TRHDE: variants seen among roughly 807,000 people sequenced by gnomAD.
The protein encoded by TRHDE is thyrotropin-releasing hormone-degrading ectoenzyme.
TRHDE carries 72 observed loss-of-function variants against 125.7 expected under a neutral mutation model. The ratio of observed to expected loss-of-function variants is 0.57; its 90% CI spans 0.47 to 0.70. The LOEUF is 0.70. Ranked by LOEUF, TRHDE falls within the 30% of genes least tolerant of loss-of-function variation. TRHDE has a pLI of 0.00. For synonymous variants in TRHDE, 509 were observed against 509.1 expected (o/e 1.00, Z 0.00); for missense variants, 1,110 against 1,327.1 (o/e 0.84, Z 2.54).
At chr12:72,517,078 TC>T (rs1485548450) in intron 6 of TRHDE, among the ~76,000 whole-genome samples, 2 of 151,916 alleles carry the variant, frequency 1.3e-5, no homozygotes, top group African/African-American at 2.4e-5. Flanking sequence ...GCATCAATGT[TC>T]ATCAAGGATA....
intron 15 of TRHDE, among the ~76,000 whole-genome samples, chr12:72,629,671 A>AAACAGTGAG (rs1360913199): frequency 2.0e-5 from 3 of 151,718 alleles, no homozygotes; most frequent in African/African-American, 7.3e-5. Flanking sequence ...ATTCCAAAAT[A>AAACAGTGAG]TTTGTACTAA....
rs545284289 is a variant in TRHDE, at chr12:72,658,134, T to A, written c.3066+1126T>A. 2.6e-5 allele frequency among the ~76,000 whole-genome samples: 4 copies of A among 152,308 alleles called. No homozygotes were observed. In the South Asian group the frequency reaches 8.3e-4, roughly 32 times the overall value. On this transcript the variant is annotated intron_variant, in intron 18 of 18. Coordinates refer to ENST00000261180, the MANE Select transcript of TRHDE (RefSeq NM_013381.3). ...TTTGAAATTCAGTCTTTATCCCTGC[T>A]ATGTGTGTTCCCAACCCTGAAGGAT...
chr12:72,622,691 AC>A (rs1873102450), intron 15 of TRHDE, among the ~76,000 whole-genome samples: 1 of 152,052 alleles, frequency 6.6e-6, no homozygotes, highest in Non-Finnish European at 1.5e-5. Flanking sequence ...AGTATAACCT[AC>A]TTAGGAATGA....
chr12:72,146,453 A>C (rs1752775358), intron 2 of TRHDE, among the ~76,000 whole-genome samples: 1 of 152,212 alleles, frequency 6.6e-6, no homozygotes, highest in African/African-American at 2.4e-5. Context: ...AATAGCATGG[A>C]GAGGCTAATC....
intron 2 of TRHDE, among the ~76,000 whole-genome samples, chr12:72,328,377 T>G (rs950635946): frequency 5.3e-5 from 8 of 152,204 alleles, no homozygotes; most frequent in African/African-American, 1.7e-4. Context: ...AAATTTAAGT[T>G]TGATCTCTAT....
chr12:72,568,070 G>T (rs1158910466), intron 9 of TRHDE, among the ~76,000 whole-genome samples: 2 of 151,642 alleles, frequency 1.3e-5, no homozygotes, highest in African/African-American at 4.8e-5. Context: ...TTTTCTTTCT[G>T]CTGAGTAACT....
At chr12:72,241,603 G>A (rs985560994) in intron 2 of TRHDE, among the ~76,000 whole-genome samples, 1 of 152,164 alleles carries the variant, frequency 6.6e-6, no homozygotes, top group African/African-American at 2.4e-5. Flanking sequence ...CAGGAATAGA[G>A]CTGTAGTAAA....
chr12:72,508,308 C>A (rs986429846), intron 6 of TRHDE, among the ~76,000 whole-genome samples: 2 of 152,144 alleles, frequency 1.3e-5, no homozygotes, highest in Non-Finnish European at 2.9e-5. Flanking sequence ...ACACTCAATG[C>A]CAGACCTTGA....
At chr12:72,660,939 T>A (rs905938758) in intron 18 of TRHDE, among the ~76,000 whole-genome samples, 2 of 152,092 alleles carry the variant, frequency 1.3e-5, no homozygotes, top group Non-Finnish European at 2.9e-5. Context: ...CTAGGGCCAG[T>A]CAGAGGCAAT....
chr12:72,541,141 G>T (rs975764757), intron 6 of TRHDE, among the ~76,000 whole-genome samples: 3 of 151,562 alleles, frequency 2.0e-5, no homozygotes, highest in Non-Finnish European at 3.0e-5. Flanking sequence ...CATCTTGCAA[G>T]AAATGAATTA....
At chr12:72,451,581 G>A (rs11179210) in intron 3 of TRHDE, among the ~76,000 whole-genome samples, 16 of 138,806 alleles carry the variant, frequency 1.2e-4, no homozygotes, top group African/African-American at 4.2e-4. Context: ...TTTGTTTTTT[G>A]TTGTTGTTGT....
At chr12:72,102,389 G>T (rs945503834) in intron 1 of TRHDE, among the ~76,000 whole-genome samples, 3 of 152,152 alleles carry the variant, frequency 2.0e-5, no homozygotes, top group Non-Finnish European at 4.4e-5. Flanking sequence ...CCAGGACACA[G>T]AGAAATGCCA....
At chr12:72,217,358 G>A (rs779266187) in intron 2 of TRHDE, among the ~76,000 whole-genome samples, 16 of 152,060 alleles carry the variant, frequency 1.1e-4, no homozygotes, top group Non-Finnish European at 1.9e-4. Context: ...TCCACATCTT[G>A]GTTAAGGACT....
intron 12 of TRHDE, among the ~76,000 whole-genome samples, chr12:72,586,292 T>G (rs898004698): frequency 6.6e-6 from 1 of 152,112 alleles, no homozygotes; most frequent in African/African-American, 2.4e-5. Context: ...TGCAATGAAG[T>G]GAGTGGTTAA....
intron 2 of TRHDE, among the ~76,000 whole-genome samples, chr12:72,246,452 C>G (rs1412407721): frequency 1.3e-5 from 2 of 152,064 alleles, no homozygotes. Context: ...ATTTTTGATT[C>G]CCCTCTGACT....
intron 2 of TRHDE, among the ~76,000 whole-genome samples, chr12:72,264,927 G>A (rs1415603295): frequency 6.7e-6 from 1 of 149,652 alleles, no homozygotes; most frequent in Non-Finnish European, 1.5e-5. Flanking sequence ...AATAGAGACT[G>A]TTCTAGAGCC....
chr12:72,272,030 T>C (rs1322476223), upstream of TRHDE: 1 of 457,116 alleles, frequency 2.2e-6, no homozygotes, highest in Non-Finnish European at 4.4e-6. This position sits in a 1 kb window ranked among gnomAD's most constrained non-coding sequence, Gnocchi z 6.7. Context: ...TCCTGCTGGT[T>C]CACTCTAGTC....
intron 2 of TRHDE, among the ~76,000 whole-genome samples, chr12:72,187,218 T>G (rs930231066): frequency 2.6e-5 from 4 of 152,204 alleles, no homozygotes; most frequent in Middle Eastern, 3.4e-3. Flanking sequence ...GAAGTAGATA[T>G]TGTTACCTTA....
At chr12:72,526,122 C>A (rs559710514) in intron 6 of TRHDE, among the ~76,000 whole-genome samples, 2 of 152,246 alleles carry the variant, frequency 1.3e-5, no homozygotes, top group African/African-American at 4.8e-5. Flanking sequence ...ATTTTTTCTG[C>A]TGTCCTCTGA....
Sources: allele counts gnomAD v4.1 joint callset (sites outside exome capture counted in the v4.1 genomes callset), GRCh38; gene constraint gnomAD v4.1.1; non-coding constraint Gnocchi (gnomAD v3.1); transcripts MANE v1.5; gene names NCBI Gene and HGNC (gene_info 2026-07-23, HGNC 2026-07-21).